IL1RAPL1: variants seen among roughly 807,000 people sequenced by gnomAD.
IL1RAPL1 encodes interleukin 1 receptor accessory protein like 1.
IL1RAPL1 carries 3 observed loss-of-function variants against 48.4 expected under a neutral mutation model. The ratio of observed to expected loss-of-function variants is 0.06; its 90% CI spans 0.03 to 0.16. The LOEUF (loss-of-function observed/expected upper bound fraction) is 0.16. IL1RAPL1 is among the 10% of genes least tolerant of loss of function. The pLI, the probability that IL1RAPL1 is intolerant of heterozygous loss-of-function variation, is 1.00. For synonymous variants in IL1RAPL1, 185 were observed against 187.7 expected, an observed-to-expected ratio of 0.99 and a Z score of 0.12; for missense variants, 349 against 530.6, an observed-to-expected ratio of 0.66 and a Z score of 3.36.
intron 2 of IL1RAPL1, among the ~76,000 whole-genome samples, chrX:29,047,234 C>T (rs1926991569): frequency 8.9e-6 from 1 of 112,239 alleles, no homozygotes; most frequent in African/African-American, 3.2e-5. Context: ...ATGGCAGGGG[C>T]AAGTAAAACA....
intron 2 of IL1RAPL1, among the ~76,000 whole-genome samples, chrX:28,932,443 A>G (rs1047331116): frequency 9.0e-6 from 1 of 111,419 alleles, no homozygotes; most frequent in Non-Finnish European, 1.9e-5. Flanking sequence ...GATCCTTCCT[A>G]TTTTCCTGGA....
chrX:29,932,015 A>G (rs1369511457), intron 8 of IL1RAPL1, among the ~76,000 whole-genome samples: 2 of 112,450 alleles, frequency 1.8e-5, no homozygotes, highest in African/African-American at 6.4e-5. Flanking sequence ...ACACCTTGAT[A>G]TACAATAGCC....
intron 5 of IL1RAPL1, among the ~76,000 whole-genome samples, chrX:29,483,902 A>G (rs1453041681): frequency 9.2e-6 from 1 of 108,952 alleles, no homozygotes; most frequent in African/African-American, 3.4e-5. Context: ...CATGTTGCCC[A>G]GGCTGCTCTT....
intron 2 of IL1RAPL1, among the ~76,000 whole-genome samples, chrX:29,044,053 A>T (rs1056132319): frequency 1.8e-5 from 2 of 112,250 alleles, no homozygotes; most frequent in African/African-American, 6.5e-5. Context: ...TAGACAAAGG[A>T]TTTTTATTAC....
chrX:28,853,610 A>G (rs1201449345), intron 2 of IL1RAPL1, among the ~76,000 whole-genome samples: 2 of 111,497 alleles, frequency 1.8e-5, no homozygotes, highest in Middle Eastern at 4.7e-3. Flanking sequence ...TTGTTAGCCT[A>G]TATTAGTGTG....
chrX:29,858,145 T>C lies in IL1RAPL1; in HGVS notation c.779-59319T>C, dbSNP rs780442312. Among the ~76,000 whole-genome samples, 4 of 111,433 alleles carry C rather than the reference T, an allele frequency of 3.6e-5. No homozygotes were observed. The South Asian group carries it at 1.1e-3, about 32-fold the overall frequency. On this transcript the variant is annotated intron_variant, in intron 6 of 10. Coordinates refer to ENST00000378993, the MANE Select transcript of IL1RAPL1 (RefSeq NM_014271.4). ...ACCTCCTGGTGTTCCAAATTTTGCT[T>C]TGTGCCTTGAAGGAATCTAACAGAA...
intron 6 of IL1RAPL1, among the ~76,000 whole-genome samples, chrX:29,824,491 C>A (rs1045729530): frequency 9.0e-6 from 1 of 111,395 alleles, no homozygotes; most frequent in Non-Finnish European, 1.9e-5. Context: ...CTAAAGAAAG[C>A]TTGTGTCCGA....
At chrX:28,850,435 T>C (rs1249354560) in intron 2 of IL1RAPL1, among the ~76,000 whole-genome samples, 1 of 110,255 alleles carries the variant, frequency 9.1e-6, no homozygotes, top group Non-Finnish European at 1.9e-5. Flanking sequence ...AACGGGCCCA[T>C]TGCTGAGGGA....
At chrX:29,737,921 A>C (rs1345377007) in intron 6 of IL1RAPL1, among the ~76,000 whole-genome samples, 3 of 112,392 alleles carry the variant, frequency 2.7e-5, no homozygotes, top group African/African-American at 9.7e-5. Context: ...CATTCTATGA[A>C]GCCTGATTAT....
At chrX:29,258,823 CTA>C (rs1226443730) in intron 2 of IL1RAPL1, among the ~76,000 whole-genome samples, 2 of 111,236 alleles carry the variant, frequency 1.8e-5, no homozygotes, top group African/African-American at 6.5e-5. Context: ...TGCAAATAGA[CTA>C]TATTTTTTTT....
intron 1 of IL1RAPL1, among the ~76,000 whole-genome samples, chrX:28,634,808 C>T (rs1444363859): frequency 1.8e-5 from 2 of 110,040 alleles, no homozygotes; most frequent in Non-Finnish European, 3.8e-5. Context: ...TCTGAAATCA[C>T]GTTCTTTACT....
chrX:28,771,582 G>A (rs772931999), intron 1 of IL1RAPL1, among the ~76,000 whole-genome samples: 1 of 111,971 alleles, frequency 8.9e-6, no homozygotes, highest in South Asian at 3.7e-4. Flanking sequence ...TGGAGAACCT[G>A]TTAGGAACAA....
At chrX:29,639,285 A>C (rs1053670360) in intron 5 of IL1RAPL1, among the ~76,000 whole-genome samples, 1 of 111,323 alleles carries the variant, frequency 9.0e-6, no homozygotes, top group Non-Finnish European at 1.9e-5. Context: ...AGGACTAGAC[A>C]TGCCTGGCTC....
At chrX:29,778,436 A>G (rs1181908980) in intron 6 of IL1RAPL1, among the ~76,000 whole-genome samples, 2 of 111,789 alleles carry the variant, frequency 1.8e-5, no homozygotes, top group Non-Finnish European at 3.8e-5. Context: ...ACTAATTTTG[A>G]GTCTCCACCT....
intron 2 of IL1RAPL1, among the ~76,000 whole-genome samples, chrX:28,996,154 A>G (rs906416437): frequency 1.8e-5 from 2 of 111,181 alleles, no homozygotes; most frequent in African/African-American, 6.5e-5. Flanking sequence ...CTACCAGTCG[A>G]CTTTCTGTCT....
At chrX:28,974,831 T>C (rs768701944) in intron 2 of IL1RAPL1, among the ~76,000 whole-genome samples, 6 of 111,861 alleles carry the variant, frequency 5.4e-5, no homozygotes, top group Non-Finnish European at 9.4e-5. Context: ...ATTATCATCT[T>C]CTGGAATCTT....
At chrX:29,603,103 T>G (rs1200914996) in intron 5 of IL1RAPL1, among the ~76,000 whole-genome samples, 1 of 109,492 alleles carries the variant, frequency 9.1e-6, no homozygotes, top group Non-Finnish European at 1.9e-5. Flanking sequence ...CTGTCGCTAT[T>G]AAAAATACAA....
intron 1 of IL1RAPL1, among the ~76,000 whole-genome samples, chrX:28,653,978 C>T (rs1296380128): frequency 9.0e-6 from 1 of 111,507 alleles, no homozygotes. Context: ...GCCTTATGTG[C>T]TCAGTAAACA....
intron 5 of IL1RAPL1, among the ~76,000 whole-genome samples, chrX:29,461,225 A>G (rs1340041770): frequency 8.9e-6 from 1 of 111,883 alleles, no homozygotes; most frequent in East Asian, 2.8e-4. Context: ...AAAACCACAT[A>G]GAAATACCAC....
Sources: allele counts gnomAD v4.1 joint callset (sites outside exome capture counted in the v4.1 genomes callset), GRCh38; gene constraint gnomAD v4.1.1; transcripts MANE v1.5; gene names NCBI Gene and HGNC (gene_info 2026-07-23, HGNC 2026-07-21).